The following CCSER1 variants were observed in gnomAD, a reference collection of about 807,000 sequenced individuals.
CCSER1 encodes the protein serine-rich coiled-coil domain-containing protein 1.
In CCSER1, 41 loss-of-function variants were observed where a neutral mutation model predicts 82.0. The ratio of observed to expected loss-of-function variants is 0.50; its 90% CI spans 0.39 to 0.65. The LOEUF is 0.65. Ranked by LOEUF, CCSER1 falls within the 30% of genes least tolerant of loss-of-function variation. The probability of loss-of-function intolerance (pLI) is 0.00; values close to 1 mark genes in which losing one functional copy is unlikely to be tolerated. For synonymous variants in CCSER1, 414 were observed against 383.9 expected (o/e 1.08, Z -0.92); for missense variants, 1,119 against 1,064.2 (o/e 1.05, Z -0.72).
intron 10 of CCSER1, among the ~76,000 whole-genome samples, chr4:91,275,406 C>A (rs1402185474): frequency 6.6e-6 from 1 of 151,854 alleles, no homozygotes; most frequent in East Asian, 1.9e-4. Flanking sequence ...TTGATTTGCA[C>A]CTCCCTGATG....
intron 4 of CCSER1, among the ~76,000 whole-genome samples, chr4:90,406,788 TA>T (rs1173435957): frequency 1.3e-5 from 2 of 152,242 alleles, no homozygotes; most frequent in Middle Eastern, 3.4e-3. Context: ...AGATGGAACT[TA>T]AAAAATTATT....
chr4:90,320,140 A>C (rs2153486586), intron 3 of CCSER1, among the ~76,000 whole-genome samples: 1 of 152,322 alleles, frequency 6.6e-6, no homozygotes, highest in Admixed American at 6.5e-5. Context: ...AATCGTTTAA[A>C]TGGAAGGAGC....
chr4:91,177,030 G>C lies in CCSER1; in HGVS notation c.2217+91036G>C, dbSNP rs187440578. Among the ~76,000 whole-genome samples, 91 of 152,216 alleles carry C rather than the reference G, an allele frequency of 6.0e-4. 1 individual carries two copies. The East Asian group carries it at 6.8e-3, about 11-fold the overall frequency. On this transcript the variant is annotated intron_variant, in intron 10 of 10. Coordinates refer to ENST00000509176, the MANE Select transcript of CCSER1 (RefSeq NM_001145065.2). ...TTTATTGAGAGTTTTTAGCATGAAG[G>C]GCTGTTGAATTTTGTCGAAGGCCTT...
intron 10 of CCSER1, among the ~76,000 whole-genome samples, chr4:91,160,672 C>G (rs769979782): frequency 6.6e-6 from 1 of 152,098 alleles, no homozygotes; most frequent in African/African-American, 2.4e-5. Flanking sequence ...TTTCATATGT[C>G]GATTGGCTGC....
At chr4:90,566,373 A>G (rs1387278189) in intron 5 of CCSER1, among the ~76,000 whole-genome samples, 1 of 151,332 alleles carries the variant, frequency 6.6e-6, no homozygotes, top group East Asian at 1.9e-4. Flanking sequence ...TTGGTATTTA[A>G]TTATTCTTTA....
chr4:90,691,613 T>C (rs1008249913), intron 6 of CCSER1, among the ~76,000 whole-genome samples: 1 of 141,818 alleles, frequency 7.1e-6, no homozygotes, highest in South Asian at 2.2e-4. Context: ...ATATATCACA[T>C]GTATATATGT....
intron 10 of CCSER1, among the ~76,000 whole-genome samples, chr4:91,234,618 C>T (rs949488476): frequency 2.0e-5 from 3 of 152,014 alleles, no homozygotes; most frequent in Non-Finnish European, 2.9e-5. Context: ...GTATAACTTG[C>T]ACTTTTTGCC....
intron 5 of CCSER1, among the ~76,000 whole-genome samples, chr4:90,563,332 G>A (rs1779002604): frequency 1.3e-5 from 2 of 151,810 alleles, no homozygotes; most frequent in Admixed American, 6.6e-5. Flanking sequence ...GGATGGTCTC[G>A]ATCTCTTGAC....
chr4:90,148,901 CTT>C (rs1319425437), intron 1 of CCSER1, among the ~76,000 whole-genome samples: 15 of 152,232 alleles, frequency 9.9e-5, no homozygotes, highest in African/African-American at 3.6e-4. Flanking sequence ...CTTTTAACCT[CTT>C]GAGTCAATCT....
At chr4:91,166,401 C>A (rs1306988201) in intron 10 of CCSER1, among the ~76,000 whole-genome samples, 1 of 152,130 alleles carries the variant, frequency 6.6e-6, no homozygotes, top group Non-Finnish European at 1.5e-5. Context: ...TTTCCCATTA[C>A]CCAAATGTTC....
intron 5 of CCSER1, among the ~76,000 whole-genome samples, chr4:90,469,275 G>A (rs538273985): frequency 6.6e-6 from 1 of 151,934 alleles, no homozygotes; most frequent in African/African-American, 2.4e-5. Flanking sequence ...TGTGAATAGG[G>A]CAATGTATAT....
chr4:90,444,287 C>A (rs1284641098), intron 4 of CCSER1, among the ~76,000 whole-genome samples: 1 of 151,988 alleles, frequency 6.6e-6, no homozygotes, highest in African/African-American at 2.4e-5. Flanking sequence ...TTAATAATGT[C>A]TTACTGCCAT....
intron 10 of CCSER1, among the ~76,000 whole-genome samples, chr4:91,452,240 C>T (rs536977257): frequency 9.2e-5 from 14 of 152,078 alleles, no homozygotes; most frequent in Admixed American, 8.5e-4. Context: ...TAGAGCATAT[C>T]ATCATCTTGT....
At chr4:91,549,528 A>G (rs1762059750) in intron 10 of CCSER1, among the ~76,000 whole-genome samples, 1 of 151,938 alleles carries the variant, frequency 6.6e-6, no homozygotes, top group African/African-American at 2.4e-5. Context: ...ATTCAATCAT[A>G]CTATTATTAA....
intron 8 of CCSER1, among the ~76,000 whole-genome samples, chr4:90,861,338 C>T (rs1765062891): frequency 6.6e-6 from 1 of 151,696 alleles, no homozygotes; most frequent in African/African-American, 2.4e-5. Flanking sequence ...GGGTTTGTAG[C>T]TTATGATTCT....
chr4:91,388,295 A>G (rs1009635881), intron 10 of CCSER1, among the ~76,000 whole-genome samples: 3 of 152,096 alleles, frequency 2.0e-5, no homozygotes, highest in African/African-American at 7.2e-5. Context: ...TTTATAAATA[A>G]GTCAATAGCT....
At chr4:90,873,845 C>T (rs772608368) in intron 8 of CCSER1, among the ~76,000 whole-genome samples, 39 of 151,940 alleles carry the variant, frequency 2.6e-4, no homozygotes, top group Non-Finnish European at 3.4e-4. Context: ...TCTCTTTGTC[C>T]CTGATAGTGA....
intron 10 of CCSER1, among the ~76,000 whole-genome samples, chr4:91,524,044 C>G (rs1259213975): frequency 6.6e-6 from 1 of 152,162 alleles, no homozygotes; most frequent in Non-Finnish European, 1.5e-5. Flanking sequence ...CTTTTCATTA[C>G]TCTATTTCAT....
intron 5 of CCSER1, among the ~76,000 whole-genome samples, chr4:90,492,019 A>G (rs1343385723): frequency 2.0e-5 from 3 of 152,158 alleles, no homozygotes; most frequent in Non-Finnish European, 4.4e-5. Context: ...TATCCGGATG[A>G]TGCTGGCCTC....
Sources: allele counts gnomAD v4.1 joint callset (sites outside exome capture counted in the v4.1 genomes callset), GRCh38; gene constraint gnomAD v4.1.1; transcripts MANE v1.5; gene names NCBI Gene and HGNC (gene_info 2026-07-23, HGNC 2026-07-21).